CPD: variants seen among roughly 807,000 people sequenced by gnomAD.
CPD encodes the protein carboxypeptidase D, also known as metallocarboxypeptidase D.
In CPD, 69 loss-of-function variants were observed where a neutral mutation model predicts 138.3. That is an observed-to-expected ratio of 0.50 (90% CI 0.41 to 0.61). The LOEUF (loss-of-function observed/expected upper bound fraction) is 0.61. CPD is among the 20% of genes least tolerant of loss of function. The pLI, the probability that CPD is intolerant of heterozygous loss-of-function variation, is 0.00. For missense variants in CPD, 1,432 were observed against 1,733.3 expected (o/e 0.83, Z 3.09); for synonymous variants, 651 against 642.1 (o/e 1.01, Z -0.21).
chr17:30,404,337 A>G (rs1412662197), intron 2 of CPD, among the ~76,000 whole-genome samples: 3 of 152,206 alleles, frequency 2.0e-5, no homozygotes, highest in Non-Finnish European at 4.4e-5. Flanking sequence ...GAACCTCTGT[A>G]TGCTTCAAAG....
At chr17:30,444,089 G>C (rs541890762) in intron 11 of CPD, 118 bp downstream of exon 11, 1 of 976,808 alleles carries the variant, frequency 1.0e-6, no homozygotes, top group African/African-American at 1.6e-5. Context: ...GGATTGCTGC[G>C]AAGTTTAGGG....
At chr17:30,464,439 T>C in intron 20 of CPD, 149 bp from the exon 21 acceptor site, 2 of 666,952 alleles carry the variant, frequency 3.0e-6, no homozygotes, top group Non-Finnish European at 5.1e-6. Flanking sequence ...GTACATATAC[T>C]GCTTCTATAA....
At chr17:30,413,001 G>C (rs968917553) in intron 2 of CPD, among the ~76,000 whole-genome samples, 6 of 152,158 alleles carry the variant, frequency 3.9e-5, no homozygotes, top group African/African-American at 1.4e-4. Context: ...GACCGGAGCT[G>C]TTCCTATTCG....
At position 30,425,191 on chromosome 17, in the gene CPD, C is replaced by T. The variant is rs540350273; in HGVS notation, c.1849+1494C>T. 2.0e-5 allele frequency among the ~76,000 whole-genome samples: 3 copies of T among 152,246 alleles called. 1 individual carries two copies. In the South Asian group the frequency reaches 6.2e-4, roughly 32 times the overall value. ...ACTCCCTATTAAAATGGAATATGCA[C>T]AGTTAAGCTTAAATTGAACTTTCTC... On this transcript the variant is annotated intron_variant, in intron 6 of 20. Transcript: ENST00000225719.
At chr17:30,434,347 C>A (rs1162697100) in intron 8 of CPD, among the ~76,000 whole-genome samples, 1 of 152,126 alleles carries the variant, frequency 6.6e-6, no homozygotes, top group African/African-American at 2.4e-5. Flanking sequence ...CCACCTTCGC[C>A]CCACCACAAG....
At chr17:30,409,802 C>T (rs1049765477) in intron 2 of CPD, among the ~76,000 whole-genome samples, 1 of 152,118 alleles carries the variant, frequency 6.6e-6, no homozygotes, top group African/African-American at 2.4e-5. Context: ...TTTCAAAAAA[C>T]CAGCTCCTGG....
At chr17:30,446,071 A>G in intron 12 of CPD, 51 bp downstream of exon 12, 1 of 1,271,086 alleles carries the variant, frequency 7.9e-7, no homozygotes, top group Non-Finnish European at 1.1e-6. Context: ...CAGTAAAATC[A>G]GCATTAGCCA....
Position 30,422,892 on chromosome 17 carries a change from T to C in CPD, c.1526T>C (p.Met509Thr), listed in dbSNP as rs1420478056. ...KDFHHHHFPDMEIFLRRFANE... is the reference protein window; with the variant it reads ...KDFHHHHFPDTEIFLRRFANE... ...TTTCACCACCACCATTTCCCTGATA[T>C]GGAAATCTTCTTGAGAAGGTTTGCC... is the stretch of plus-strand genomic sequence containing the variant. The change falls in exon 5 of 21, where the codon ATG becomes ACG. Residue 509 changes from methionine (M) to threonine (T), a missense_variant. Physicochemically the swap from Met to Thr is moderately conservative, Grantham distance 81 (BLOSUM62 -1). Coordinates refer to ENST00000225719, the MANE Select transcript of CPD (RefSeq NM_001304.5). The C allele has an allele frequency of 6.8e-6, 11 of 1,614,030 alleles. No homozygotes were observed. The highest frequency in any genetic ancestry group is 2.2e-5 in the South Asian group (2 of 91,088).
At chr17:30,381,422 G>A (rs1911042571) in intron 1 of CPD, among the ~76,000 whole-genome samples, 1 of 152,030 alleles carries the variant, frequency 6.6e-6, no homozygotes, top group African/African-American at 2.4e-5. Context: ...GCTTTTTCTT[G>A]GTGCAAGTCG....
At chr17:30,398,891 CTTGAAG>C (rs1911579261) in intron 2 of CPD, among the ~76,000 whole-genome samples, 1 of 149,542 alleles carries the variant, frequency 6.7e-6, no homozygotes. Flanking sequence ...TAAACCAAAA[CTTGAAG>C]TTGATGAATA....
chr17:30,421,966 C>T (rs929068191), intron 4 of CPD, 133 bp downstream of exon 4: 10 of 721,188 alleles, frequency 1.4e-5, no homozygotes, highest in African/African-American at 5.4e-5. Flanking sequence ...TGATTTTTCT[C>T]GTTTTATAAT....
At chr17:30,388,837 G>A (rs1302077765) in intron 2 of CPD, among the ~76,000 whole-genome samples, 1 of 152,174 alleles carries the variant, frequency 6.6e-6, no homozygotes, top group Admixed American at 6.5e-5. Flanking sequence ...AGCTGATTGC[G>A]GGCCTGGGGC....
At chr17:30,463,828 A>G (rs1413390573) in intron 20 of CPD, among the ~76,000 whole-genome samples, 2 of 152,222 alleles carry the variant, frequency 1.3e-5, no homozygotes, top group Non-Finnish European at 2.9e-5. Context: ...GGTTAAAAAC[A>G]CAGGAGGTAG....
intron 2 of CPD, among the ~76,000 whole-genome samples, chr17:30,386,432 C>CAT (rs1047850916): frequency 5.1e-4 from 78 of 152,088 alleles, no homozygotes; most frequent in Middle Eastern, 3.4e-3. Flanking sequence ...GTAAAACATA[C>CAT]ATATATATAT....
chr17:30,394,176 G>GAA (rs57515249), intron 2 of CPD, among the ~76,000 whole-genome samples: 12 of 88,036 alleles, frequency 1.4e-4, no homozygotes, highest in African/African-American at 1.7e-4. Context: ...AAAAAAAAAA[G>GAA]AAAAAAAAAA....
intron 2 of CPD, among the ~76,000 whole-genome samples, chr17:30,401,729 G>A (rs1456352406): frequency 2.6e-5 from 4 of 151,998 alleles, no homozygotes; most frequent in South Asian, 4.1e-4. Context: ...CAAGGGATCC[G>A]CCTGCCTCGG....
At chr17:30,410,475 T>C (rs1911933320) in intron 2 of CPD, among the ~76,000 whole-genome samples, 1 of 152,220 alleles carries the variant, frequency 6.6e-6, no homozygotes, top group Non-Finnish European at 1.5e-5. Context: ...TCTCCCATTA[T>C]CATTGTGTGG....
intron 2 of CPD, among the ~76,000 whole-genome samples, chr17:30,415,515 TA>T: frequency 6.6e-6 from 1 of 151,958 alleles, no homozygotes; most frequent in East Asian, 1.9e-4. Flanking sequence ...ATTAACCCCC[TA>T]AAAAGGGGTT....
rs199992080 is a variant in CPD at position 30,436,608 on chromosome 17, A to C, written c.2128-2367A>C. ...CCCACTAGAATGGCTGTAATTTTAA[A>C]AAATGGAAAATATGCATAGGCAAAG... is the stretch of plus-strand genomic sequence containing the variant. On this transcript the variant is annotated intron_variant, in intron 8 of 20. Coordinates refer to ENST00000225719, the MANE Select transcript of CPD (RefSeq NM_001304.5). Among the ~76,000 whole-genome samples, 33 of 152,372 alleles carry C rather than the reference A, an allele frequency of 2.2e-4. No homozygotes were observed. In the East Asian group the frequency reaches 6.2e-3, roughly 28 times the overall value.
Sources: gnomAD v4.1 joint callset for allele counts (sites outside exome capture counted in the v4.1 genomes callset) on GRCh38, gnomAD v4.1.1 for gene constraint, MANE v1.5 for transcripts, NCBI Gene and HGNC (gene_info 2026-07-23, HGNC 2026-07-21) for gene names.